SLC9A5: variants seen among roughly 807,000 people sequenced by gnomAD.
The protein encoded by SLC9A5 is solute carrier family 9 member A5, also known as sodium/hydrogen exchanger 5.
In SLC9A5, 52 loss-of-function variants were observed where a neutral mutation model predicts 91.7. That is an observed-to-expected ratio of 0.57 (90% CI 0.45 to 0.71). SLC9A5 has a LOEUF of 0.71. Ranked by LOEUF, SLC9A5 falls within the 30% of genes least tolerant of loss-of-function variation. SLC9A5 has a pLI of 0.00. For synonymous variants in SLC9A5, 419 were observed against 474.5 expected, an observed-to-expected ratio of 0.88 and a Z score of 1.52; for missense variants, 871 against 1,158.9, an observed-to-expected ratio of 0.75 and a Z score of 3.61.
Position 67,256,532 on chromosome 16 carries a change from C to T in SLC9A5, c.975C>T (p.Arg325=), listed in dbSNP as rs1340869487. The T allele has an allele frequency of 1.4e-5, 23 of 1,613,990 alleles. No individual in the cohort carries two copies. The highest frequency in any genetic ancestry group is 1.9e-5 in the Non-Finnish European group (23 of 1,179,978). Residue 325 remains arginine (R), a synonymous_variant, in exon 6 of 16, where the codon CGC becomes CGT. Transcript: ENST00000299798. This position sits in a 1 kb window ranked among gnomAD's most constrained non-coding sequence, Gnocchi z 4.1. ...AGGCCAACATCTCCCATAAGTCACG[C>T]ACAACTGTCAAATATACAATGAAGA... is the stretch of plus-strand genomic sequence containing the variant. ...YVEANISHKS[R]TTVKYTMKTL...
Position 67,264,501 on chromosome 16 carries a change from C to A in SLC9A5, c.1992C>A (p.Pro664=), listed in dbSNP as rs2035635295. The change falls in exon 13 of 16, where the codon CCC becomes CCA. Residue 664 remains proline (P), a synonymous_variant. Coordinates refer to ENST00000299798, the MANE Select transcript of SLC9A5 (RefSeq NM_004594.3). ...GCTTCACCAAGAGCAAGCCACGACCCCGCAAGACTGGCCGCAGGAAGGCAT... is the reference window on the plus strand; with the variant it reads ...GCTTCACCAAGAGCAAGCCACGACCACGCAAGACTGGCCGCAGGAAGGCAT... ...NICFTKSKPR[P]RKTGRRKKDG... 1 of 1,614,086 alleles carries A rather than the reference C, an allele frequency of 6.2e-7. No homozygotes were observed. The highest frequency in any genetic ancestry group is 1.7e-5 in the Admixed American group (1 of 60,002).
chr16:67,262,426 A>G (rs566269874), intron 12 of SLC9A5: 19 of 357,820 alleles, frequency 5.3e-5, no homozygotes, highest in African/African-American at 3.8e-4. Context: ...TTATAGTTTA[A>G]TAGAGAGATA....
chr16:67,270,831 T>C lies in SLC9A5; in HGVS notation c.2312T>C (p.Leu771Pro), dbSNP rs762884236. 3 of 1,614,128 alleles carry C rather than the reference T, an allele frequency of 1.9e-6. No homozygotes were observed. The South Asian group carries it at 3.3e-5, about 18-fold the overall frequency. The change falls in exon 16 of 16, where the codon CTG (leucine) becomes CCG (proline). Residue 771 changes from leucine (L) to proline (P), a missense_variant. Physicochemically the swap from Leu to Pro is moderately conservative, Grantham distance 98. This residue lies in a region of SLC9A5 where 295 missense variants were observed against 326.0 expected (regional missense o/e 0.90). Transcript: ENST00000299798. The surrounding 1 kb of genome is among the most constrained non-coding windows in gnomAD (Gnocchi z 4.3). ...ELPWKSGQGD[L>P]AVYVSSETTK... ...CCCTGGAAGAGTGGGCAGGGGGACC[T>C]GGCAGTGTACGTGTCCTCGGAAACC...
chr16:67,249,094 C>G lies in SLC9A5; in HGVS notation c.80C>G (p.Pro27Arg), dbSNP rs746507681. 18 of 1,537,700 alleles carry G rather than the reference C, an allele frequency of 1.2e-5. No individual in the cohort carries two copies. The highest frequency in any genetic ancestry group is 5.8e-5 in the Admixed American group (3 of 51,312). ...AEEPTQKPES[P>R]GEPPPGLELF... ...GAGCCCACCCAGAAGCCAGAGTCCCCGGGCGAGCCTCCCCCAGGCTTAGAG... is the reference window on the plus strand; with the variant it reads ...GAGCCCACCCAGAAGCCAGAGTCCCGGGGCGAGCCTCCCCCAGGCTTAGAG... Residue 27 changes from proline (P) to arginine (R), a missense_variant, in exon 1 of 16, where the codon CCG becomes CGG. Physicochemically the swap from Pro to Arg is moderately radical, Grantham distance 103. This residue lies in a region of SLC9A5 where 122 missense variants were observed against 114.5 expected (regional missense o/e 1.07). Coordinates refer to ENST00000299798, the MANE Select transcript of SLC9A5 (RefSeq NM_004594.3).
At chr16:67,268,687 TATATATATATATATATATATA>T (rs2035813327) in intron 15 of SLC9A5, among the ~76,000 whole-genome samples, 1 of 77,518 alleles carries the variant, frequency 1.3e-5, no homozygotes, top group Non-Finnish European at 2.3e-5. Flanking sequence ...TATATATATA[TATATATATATATATATATATA>T]TATTTTTACA....
chr16:67,264,282 C>A, intron 12 of SLC9A5, 70 bp from the exon 13 acceptor site: 3 of 1,385,260 alleles, frequency 2.2e-6, no homozygotes, highest in Non-Finnish European at 3.0e-6. Flanking sequence ...TATGTTGGGG[C>A]TGTGGCCTGG....
chr16:67,259,268 A>G (rs1313501131), intron 10 of SLC9A5, among the ~76,000 whole-genome samples: 1 of 141,898 alleles, frequency 7.0e-6, no homozygotes, highest in Admixed American at 7.0e-5. Context: ...CTGTGTCTCA[A>G]AAAAAAAAAA....
chr16:67,256,936 G>T lies in SLC9A5; in HGVS notation c.1158G>T (p.Leu386=). ...GCGTAGTCCTGCAGACCTGGGTGCT[G>T]AATCAGTTCCGGCTAGTCCCTCTGG... ...ALGVVLQTWV[L]NQFRLVPLDK... is the part of the protein sequence containing the mutation. Residue 386 remains leucine (L), a synonymous_variant, in exon 7 of 16, where the codon CTG becomes CTT. Coordinates refer to ENST00000299798, the MANE Select transcript of SLC9A5 (RefSeq NM_004594.3). The surrounding 1 kb of genome is among the most constrained non-coding windows in gnomAD (Gnocchi z 4.1). 6.2e-7 allele frequency: 1 copy of T among 1,614,064 alleles called. No individual in the cohort carries two copies. The highest frequency in any genetic ancestry group is 8.5e-7 in the Non-Finnish European group (1 of 1,180,028).
chr16:67,267,386 C>T (rs1424704690), intron 15 of SLC9A5, among the ~76,000 whole-genome samples: 3 of 151,922 alleles, frequency 2.0e-5, no homozygotes, highest in African/African-American at 7.3e-5. Flanking sequence ...GTGCTCAGCA[C>T]CCAGCTGATT....
chr16:67,254,992 T>A, intron 2 of SLC9A5, 29 bp from the exon 3 acceptor site: 1 of 1,592,540 alleles, frequency 6.3e-7, no homozygotes. Flanking sequence ...CTTCAATGAC[T>A]GGCCTGTCCT....
rs560881573 is a variant in SLC9A5 at position 67,259,767 on chromosome 16, C to T, written c.1716-53C>T. The T allele has an allele frequency of 1.7e-4, 280 of 1,602,256 alleles. 7 individuals are homozygous for T. Among genetic ancestry groups the T allele is most frequent in the South Asian group, 5.2e-4 (47 of 90,772 alleles). ...TCAGCACCTTTTCATCTGCCCTTCT[C>T]CTGGACTGCCTCCTGCCCCCTCTCC... On this transcript the variant is annotated intron_variant, in intron 11 of 15. Coordinates refer to ENST00000299798, the MANE Select transcript of SLC9A5 (RefSeq NM_004594.3).
intron 15 of SLC9A5, among the ~76,000 whole-genome samples, chr16:67,268,689 TATATATATATATATATATA>T (rs2035814342): frequency 1.3e-5 from 1 of 79,598 alleles, no homozygotes; most frequent in African/African-American, 7.6e-5. Context: ...TATATATATA[TATATATATATATATATATA>T]TATTTTTACA....
chr16:67,251,999 G>A (rs1339091511), intron 1 of SLC9A5, among the ~76,000 whole-genome samples: 1 of 152,136 alleles, frequency 6.6e-6, no homozygotes, highest in Non-Finnish European at 1.5e-5. Context: ...ATAAAGGAAG[G>A]GACATTTCTA....
chr16:67,270,267 C>T lies in SLC9A5; in HGVS notation c.2219-471C>T, dbSNP rs1472935937. 1.3e-5 allele frequency among the ~76,000 whole-genome samples: 2 copies of T among 152,150 alleles called. No homozygotes were observed. The highest frequency in any genetic ancestry group is 4.8e-5 in the African/African-American group (2 of 41,426). ...GTGGCGAGATCTCGGCTCATTGCAACCTCTGCCTCCCGGGTTCAAGTGATT... is the reference window on the plus strand; with the variant it reads ...GTGGCGAGATCTCGGCTCATTGCAATCTCTGCCTCCCGGGTTCAAGTGATT... On this transcript the variant is annotated intron_variant, in intron 15 of 15. Coordinates refer to ENST00000299798, the MANE Select transcript of SLC9A5 (RefSeq NM_004594.3). This position sits in a 1 kb window ranked among gnomAD's most constrained non-coding sequence, Gnocchi z 4.3.
rs1243608537 is a variant in SLC9A5, at chr16:67,271,286, A to C, written c.*76A>C. ...CCTGGGTGATGGGTAGAGCCCTCGA[A>C]ACTTGACATGGGGCCAGAAGGGCCT... is the stretch of plus-strand genomic sequence containing the variant. On this transcript the variant is annotated 3_prime_UTR_variant, in exon 16 of 16. Transcript: ENST00000299798. The C allele has an allele frequency of 7.6e-7, 1 of 1,311,084 alleles. No individual in the cohort carries two copies. Among genetic ancestry groups the C allele is most frequent in the African/African-American group, 1.5e-5 (1 of 68,564 alleles). The allele number at this position is 1,311,084 out of a possible 1,614,324, so 81.2% of individuals were successfully genotyped here.
chr16:67,254,959 C>T (rs1029351145), intron 2 of SLC9A5, 62 bp from the exon 3 acceptor site: 39 of 1,527,914 alleles, frequency 2.6e-5, no homozygotes, highest in African/African-American at 2.1e-4. Flanking sequence ...TGTTCCAGGG[C>T]GTGCTCCAGG....
In SLC9A5 at chr16:67,266,093, G is replaced by C; in HGVS notation, c.2086G>C (p.Val696Leu). The C allele has an allele frequency of 6.2e-7, 1 of 1,611,804 alleles. No individual in the cohort carries two copies. The highest frequency in any genetic ancestry group is 8.5e-7 in the Non-Finnish European group (1 of 1,179,022). ...RGLGFQDTAA[V>L]ILTVESEEEE... ...CTGCTCTTGTCTCTGTCCAGCTGCT[G>C]TGATATTAACCGTGGAGTCTGAGGA... Residue 696 changes from valine to leucine, a missense_variant, in exon 15 of 16, where the codon GTG (valine) becomes CTG (leucine). Val to Leu is a conservative substitution (Grantham distance 32). Around this residue, in one of 3 missense-constraint regions of SLC9A5, gnomAD observed 295 missense variants for 326.0 expected, o/e 0.90. Transcript: ENST00000299798.
intron 15 of SLC9A5, among the ~76,000 whole-genome samples, chr16:67,267,731 A>C (rs1013117493): frequency 6.6e-6 from 1 of 152,224 alleles, no homozygotes; most frequent in Non-Finnish European, 1.5e-5. Context: ...GTATGTATAG[A>C]GACCTAATTC....
In SLC9A5 at chr16:67,257,169, C is replaced by A; in HGVS notation, c.1335+56C>A. 6.5e-7 allele frequency: 1 copy of A among 1,534,690 alleles called. No individual in the cohort carries two copies. ...AGGGTTGGGCAGGCCCTGGGGGAGT[C>A]TTGGAGCCTGTGGGACAGGGGCTTC... On this transcript the variant is annotated intron_variant, in intron 7 of 15. Transcript: ENST00000299798. This position sits in a 1 kb window ranked among gnomAD's most constrained non-coding sequence, Gnocchi z 5.1.
Sources: gnomAD v4.1 joint callset for allele counts (sites outside exome capture counted in the v4.1 genomes callset) on GRCh38, gnomAD v4.1.1 for gene constraint, gnomAD v4.1.1 regional missense constraint, Gnocchi (gnomAD v3.1) non-coding constraint, MANE v1.5 for transcripts, NCBI Gene and HGNC (gene_info 2026-07-23, HGNC 2026-07-21) for gene names.